The following CHST8 variants were observed in gnomAD, a reference collection of about 807,000 sequenced individuals.
The protein encoded by CHST8 is GALNAC-4-ST1.
CHST8 carries 10 observed loss-of-function variants against 15.0 expected under a neutral mutation model. That is an observed-to-expected ratio of 0.67 (90% CI 0.41 to 1.13). The LOEUF (loss-of-function observed/expected upper bound fraction) is 1.13. Ranked by LOEUF, CHST8 falls within the 50% of genes most tolerant of loss-of-function variation. CHST8 has a pLI of 0.00. For missense variants in CHST8, 634 were observed against 608.2 expected (o/e 1.04, Z -0.45); for synonymous variants, 259 against 256.6 (o/e 1.01, Z -0.09).
intron 3 of CHST8, among the ~76,000 whole-genome samples, chr19:33,714,945 A>C (rs1015424841): frequency 1.3e-5 from 2 of 152,100 alleles, no homozygotes; most frequent in Non-Finnish European, 2.9e-5. Context: ...GAAAATGGAC[A>C]ATACACCTCT....
intron 3 of CHST8, among the ~76,000 whole-genome samples, chr19:33,702,214 C>A (rs1973352803): frequency 6.6e-6 from 1 of 152,222 alleles, no homozygotes; most frequent in Admixed American, 6.5e-5. Context: ...CCTCGGTGAT[C>A]CACCACAGGA....
At chr19:33,645,691 G>A (rs1471772020) in intron 1 of CHST8, among the ~76,000 whole-genome samples, 1 of 152,190 alleles carries the variant, frequency 6.6e-6, no homozygotes, top group African/African-American at 2.4e-5. Context: ...AATGGCAGAT[G>A]TTGAATATTT....
Position 33,772,126 on chromosome 19 carries a change from G to C in CHST8, c.338G>C (p.Arg113Pro). The change falls in exon 5 of 5, where the codon CGT becomes CCT. Residue 113 changes from arginine (R) to proline (P), a missense_variant. Transcript: ENST00000650847. ...TRLRLRQRRR[R>P]LLIKKMPAAA... ...CTGCGGCTCCGCCAGCGCCGTCGCC[G>C]TCTGCTCATCAAGAAAATGCCAGCT... 1.9e-6 allele frequency: 3 copies of C among 1,609,896 alleles called. No individual in the cohort carries two copies. Among genetic ancestry groups the C allele is most frequent in the Non-Finnish European group, 1.7e-6 (2 of 1,178,686 alleles).
At chr19:33,765,664 C>T (rs982576632) in intron 3 of CHST8, among the ~76,000 whole-genome samples, 1 of 151,890 alleles carries the variant, frequency 6.6e-6, no homozygotes, top group African/African-American at 2.4e-5. Context: ...TGGGTTTAAG[C>T]GATTCTCCTG....
At chr19:33,748,387 A>C (rs554503880) in intron 3 of CHST8, among the ~76,000 whole-genome samples, 1 of 152,368 alleles carries the variant, frequency 6.6e-6, no homozygotes, top group East Asian at 1.9e-4. Context: ...CCTGCAGCCC[A>C]TGCTCTGGCC....
intron 4 of CHST8, 144 bp from the exon 5 acceptor site, chr19:33,771,813 C>T: frequency 1.0e-6 from 1 of 994,746 alleles, no homozygotes; most frequent in Non-Finnish European, 1.5e-6. Flanking sequence ...GGGCTCAGAC[C>T]GGAGGGGTCT....
Position 33,773,373 on chromosome 19 carries a change from G to A in CHST8, c.*310G>A, listed in dbSNP as rs528476396. 1.7e-5 allele frequency: 7 copies of A among 413,802 alleles called. No homozygotes were observed. Among genetic ancestry groups the A allele is most frequent in the Non-Finnish European group, 2.6e-5 (6 of 230,284 alleles). The allele number at this position is 413,802 out of a possible 1,614,324, so 25.6% of individuals were successfully genotyped here. Reference sequence around the variant, plus strand: ...AAGTCTGAGGCCCAGAGGACGGGGGGCCCAGCGGTAAGGGATGTCCCGCAC... The same window carrying A: ...AAGTCTGAGGCCCAGAGGACGGGGGACCCAGCGGTAAGGGATGTCCCGCAC... On this transcript the variant is annotated 3_prime_UTR_variant, in exon 5 of 5. Transcript: ENST00000650847.
At chr19:33,680,329 C>A (rs561043095) in intron 2 of CHST8, among the ~76,000 whole-genome samples, 1 of 152,258 alleles carries the variant, frequency 6.6e-6, no homozygotes, top group Non-Finnish European at 1.5e-5. Context: ...CATTCTGGGC[C>A]TCGAGCAGGT....
chr19:33,643,605 C>T (rs1972312226), intron 1 of CHST8, among the ~76,000 whole-genome samples: 2 of 152,156 alleles, frequency 1.3e-5, no homozygotes, highest in Non-Finnish European at 2.9e-5. Flanking sequence ...TTTTAAATGC[C>T]ACCTTGACCA....
At chr19:33,656,037 G>A (rs1186010146) in intron 1 of CHST8, among the ~76,000 whole-genome samples, 1 of 151,976 alleles carries the variant, frequency 6.6e-6, no homozygotes, top group East Asian at 1.9e-4. Flanking sequence ...TACAGTTCTG[G>A]CCACATTCCG....
At chr19:33,689,150 A>G (rs1302803819) in intron 2 of CHST8, 26 bp from the exon 3 acceptor site, 3 of 1,343,370 alleles carry the variant, frequency 2.2e-6, no homozygotes, top group Admixed American at 5.7e-5. Context: ...CGCCTCGGTG[A>G]TGACTATCCC....
At position 33,749,833 on chromosome 19, in the gene CHST8, G is replaced by A. The variant is rs114577114; in HGVS notation, c.131-21580G>A. Among the ~76,000 whole-genome samples, 82 of 152,316 alleles carry A rather than the reference G, an allele frequency of 5.4e-4. 1 individual carries two copies. Among genetic ancestry groups the A allele is most frequent in the Admixed American group, 3.3e-3 (51 of 15,310 alleles). ...TAGCTATGGGTGGGTTGTATGTCAC[G>A]TGCTGTGCGCTGTCCAGCTGGCGCA... On this transcript the variant is annotated intron_variant, in intron 3 of 4. Transcript: ENST00000650847.
chr19:33,734,026 T>C (rs551465016), intron 3 of CHST8, among the ~76,000 whole-genome samples: 1 of 152,246 alleles, frequency 6.6e-6, no homozygotes, highest in African/African-American at 2.4e-5. Flanking sequence ...AAAAAGAGGC[T>C]GAGACCTACT....
At chr19:33,690,812 G>A (rs894251254) in intron 3 of CHST8, among the ~76,000 whole-genome samples, 3 of 152,342 alleles carry the variant, frequency 2.0e-5, no homozygotes, top group East Asian at 1.9e-4. Context: ...AGGGCCCCTC[G>A]GGACAGCGCC....
chr19:33,630,392 C>T (rs1425010948), intron 1 of CHST8, among the ~76,000 whole-genome samples: 2 of 152,214 alleles, frequency 1.3e-5, no homozygotes, highest in Non-Finnish European at 2.9e-5. Context: ...ATAGCCGGTG[C>T]GTGGGGAAGG....
At position 33,728,608 on chromosome 19, in the gene CHST8, A is replaced by G. The variant is rs1463750423; in HGVS notation, c.130+39217A>G. ...GCCTCTGATATTTGGGTGTGGTTCG[A>G]TGAGCATCCCTGAGACAGCCACAGG... On this transcript the variant is annotated intron_variant, in intron 3 of 4. Transcript: ENST00000650847. 2.6e-5 allele frequency among the ~76,000 whole-genome samples: 4 copies of G among 152,216 alleles called. No individual in the cohort carries two copies. In the East Asian group the frequency reaches 5.8e-4, roughly 22 times the overall value.
intron 4 of CHST8, 98 bp downstream of exon 4, chr19:33,771,548 T>C: frequency 1.6e-6 from 2 of 1,244,204 alleles, no homozygotes; most frequent in Admixed American, 1.8e-5. Flanking sequence ...GATCCATTCT[T>C]GGAAAGAAAA....
At chr19:33,625,155 T>C (rs1337545247) in intron 1 of CHST8, among the ~76,000 whole-genome samples, 5 of 151,954 alleles carry the variant, frequency 3.3e-5, no homozygotes, top group Admixed American at 2.0e-4. Flanking sequence ...TTGCGATCTC[T>C]GTTTGCCACA....
chr19:33,666,289 ATG>A (rs140202974), intron 1 of CHST8, among the ~76,000 whole-genome samples: 4 of 151,250 alleles, frequency 2.6e-5, no homozygotes, highest in Non-Finnish European at 5.9e-5. Flanking sequence ...GAGTGTGAGC[ATG>A]TGTGTGTGTG....
Sources: allele counts gnomAD v4.1 joint callset (sites outside exome capture counted in the v4.1 genomes callset), GRCh38; gene constraint gnomAD v4.1.1; transcripts MANE v1.5; gene names NCBI Gene and HGNC (gene_info 2026-07-23, HGNC 2026-07-21).